The following FAM186B variants were observed in gnomAD, a reference collection of about 807,000 sequenced individuals.
FAM186B encodes family with sequence similarity 186 member B.
Under a neutral mutation model 83.4 loss-of-function variants are expected in FAM186B, and 68 were observed. The ratio of observed to expected loss-of-function variants is 0.81; its 90% confidence interval spans 0.67 to 1.00. The LOEUF (loss-of-function observed/expected upper bound fraction) is 1.00, where lower values mean the gene tolerates loss of function less well. Among genes scored for constraint, FAM186B ranks in the 50% least tolerant of loss-of-function variants. The pLI is 0.00. For missense variants in FAM186B, 983 were observed against 1,099.2 expected (o/e 0.89, Z 1.49); for synonymous variants, 389 against 422.0 (o/e 0.92, Z 0.96).
the FAM186B span, among the ~76,000 whole-genome samples, chr12:49,622,325 T>C: frequency 4.0e-5 from 6 of 151,820 alleles, no homozygotes; most frequent in Admixed American, 2.6e-4. Context: ...GCGTGGGCAG[T>C]ACAGGGAGAC....
chr12:49,619,289 G>T, the FAM186B span: 1 of 276,116 alleles, frequency 3.6e-6, no homozygotes, highest in African/African-American at 2.2e-5. Context: ...CGGTTGGTGT[G>T]TGAGGGGGTT....
At chr12:49,584,585 T>C (rs1939400725), downstream of FAM186B, 1 of 702,408 alleles carries the variant, frequency 1.4e-6, no homozygotes, top group Non-Finnish European at 2.6e-6. Flanking sequence ...TGTAGGTTCC[T>C]GGCATTCCTT....
In FAM186B at chr12:49,605,385, T is replaced by C; in HGVS notation, c.93A>G (p.Gln31=). 5.6e-6 allele frequency: 9 copies of C among 1,612,400 alleles called. No homozygotes were observed. The highest frequency in any genetic ancestry group is 7.6e-6 in the Non-Finnish European group (9 of 1,179,364). ...ATTCCTTCATCTCAGGGGCTACCTC[T>C]TGAGCCCGAGTTAGCTGGGCAGCCT... ...RIEAAQLTRA[Q]EDISTQLSDI... is the part of the protein sequence containing the mutation. Residue 31 remains glutamine, a synonymous_variant, in exon 1 of 7, where the codon CAA becomes CAG. Transcript: ENST00000257894.
At chr12:49,617,210 C>G in the FAM186B span, among the ~76,000 whole-genome samples, 4 of 152,182 alleles carry the variant, frequency 2.6e-5, no homozygotes, top group African/African-American at 9.7e-5. Flanking sequence ...CCAACCCCTT[C>G]TCAAGCAAAG....
At position 49,589,011 on chromosome 12, in the gene FAM186B, TG is replaced by T. The variant is rs1939516479; in HGVS notation, c.2365-389del. 3.3e-5 allele frequency among the ~76,000 whole-genome samples: 5 copies of T among 152,318 alleles called. No individual in the cohort carries two copies. The South Asian group carries it at 1.0e-3, about 32-fold the overall frequency. On this transcript the variant is annotated intron_variant, in intron 5 of 6. Transcript: ENST00000257894. ...TTTCGTCCAGCCCCAGCCCTGGCAC[TG>T]GGTGAGGAGCTGGGGGAACCTTCAC...
upstream of FAM186B, among the ~76,000 whole-genome samples, chr12:49,607,643 T>C (rs562136728): frequency 4.6e-5 from 7 of 152,314 alleles, no homozygotes; most frequent in South Asian, 1.5e-3. Context: ...TTTCAAAAAA[T>C]TGAATAGTAA....
At chr12:49,611,046 C>T in the FAM186B span, among the ~76,000 whole-genome samples, 3 of 151,874 alleles carry the variant, frequency 2.0e-5, no homozygotes, top group East Asian at 5.8e-4. Context: ...TCGAGACCAG[C>T]CTGACCAACA....
At chr12:49,595,727 T>A (rs1939702038) in intron 5 of FAM186B, 1 of 279,740 alleles carries the variant, frequency 3.6e-6, no homozygotes, top group African/African-American at 2.3e-5. Flanking sequence ...TTCACGCCTG[T>A]AATCCCAGCA....
At chr12:49,616,798 C>T in the FAM186B span, among the ~76,000 whole-genome samples, 1 of 152,284 alleles carries the variant, frequency 6.6e-6, no homozygotes, top group East Asian at 1.9e-4. Flanking sequence ...TGACTGGATA[C>T]ATCTGTGAAA....
chr12:49,590,586 C>G (rs1336463212), intron 5 of FAM186B, among the ~76,000 whole-genome samples: 1 of 150,994 alleles, frequency 6.6e-6, no homozygotes, highest in African/African-American at 2.4e-5. Context: ...TGAATTCTGC[C>G]AAGGTAAAGT....
At chr12:49,598,412 G>C (rs1939776924) in intron 5 of FAM186B, among the ~76,000 whole-genome samples, 1 of 152,166 alleles carries the variant, frequency 6.6e-6, no homozygotes, top group Non-Finnish European at 1.5e-5. Flanking sequence ...AGAACCACAG[G>C]GGAGGGAGAA....
the FAM186B span, among the ~76,000 whole-genome samples, chr12:49,618,112 T>C: frequency 0.019 from 2,908 of 152,166 alleles, 34 homozygotes; most frequent in Middle Eastern, 0.041. Flanking sequence ...TTTGGGAGGC[T>C]GAGGTGGGTG....
At chr12:49,615,919 A>G in the FAM186B span, among the ~76,000 whole-genome samples, 24 of 152,368 alleles carry the variant, frequency 1.6e-4, 1 homozygote, top group South Asian at 5.0e-3. Context: ...AGAATGAGTC[A>G]GATGATAAAA....
chr12:49,589,809 C>T (rs1011219155), intron 5 of FAM186B, among the ~76,000 whole-genome samples: 32 of 151,814 alleles, frequency 2.1e-4, no homozygotes, highest in African/African-American at 7.0e-4. Context: ...GGTGAAACCC[C>T]GTCTCTACTA....
chr12:49,596,276 A>G (rs1346142130), intron 5 of FAM186B, among the ~76,000 whole-genome samples: 1 of 148,566 alleles, frequency 6.7e-6, no homozygotes, highest in Non-Finnish European at 1.5e-5. Flanking sequence ...AAATAGGCAG[A>G]GCAGGAGTTC....
upstream of FAM186B, among the ~76,000 whole-genome samples, chr12:49,605,920 G>A (rs1164210029): frequency 6.6e-6 from 1 of 151,642 alleles, no homozygotes; most frequent in East Asian, 1.9e-4. Flanking sequence ...CACCACGCCT[G>A]GCTAATTTAT....
Position 49,587,865 on chromosome 12 carries a change from C to A in FAM186B, c.2535-113G>T, listed in dbSNP as rs187200034. ...GCTTTGTCTCCTTCCCTTCTCAAAT[C>A]GAGTGTGTCACTGCCCTCCTCATCT... On this transcript the variant is annotated intron_variant, in intron 6 of 6. Coordinates refer to ENST00000257894, the MANE Select transcript of FAM186B (RefSeq NM_032130.3). 2.5e-5 allele frequency: 30 copies of A among 1,196,982 alleles called. No homozygotes were observed. The African/African-American group carries it at 3.7e-4, about 15-fold the overall frequency. The allele number at this position is 1,196,982 out of a possible 1,614,324, so 74.1% of individuals were successfully genotyped here. A position where few individuals can be genotyped will look rare whatever the true frequency, so the allele number is the denominator to read the frequency against.
chr12:49,595,401 G>A (rs1379838411), intron 5 of FAM186B: 2 of 532,340 alleles, frequency 3.8e-6, no homozygotes, highest in Non-Finnish European at 7.4e-6. Context: ...TACTAAAGGA[G>A]CAGGAAAACC....
At chr12:49,591,872 ACTAT>A (rs113167438) in intron 5 of FAM186B, among the ~76,000 whole-genome samples, 3,778 of 152,298 alleles carry the variant, frequency 0.025, 57 homozygotes, top group East Asian at 0.052. Flanking sequence ...TAATATAAAC[ACTAT>A]CTAAGTAGTT....
Sources: gnomAD v4.1 joint callset for allele counts (sites outside exome capture counted in the v4.1 genomes callset) on GRCh38, gnomAD v4.1.1 for gene constraint, MANE v1.5 for transcripts, NCBI Gene and HGNC (gene_info 2026-07-23, HGNC 2026-07-21) for gene names.